INPP4B: variants seen among roughly 807,000 people sequenced by gnomAD.
INPP4B encodes inositol polyphosphate-4-phosphatase type II B, also known as inositol polyphosphate 4-phosphatase type II.
In INPP4B, 55 loss-of-function variants were observed where a neutral mutation model predicts 122.5. The observed-to-expected ratio is 0.45, with a 90% CI of 0.36 to 0.56. The LOEUF (loss-of-function observed/expected upper bound fraction) is 0.56. Among genes scored for constraint, INPP4B ranks in the 20% least tolerant of loss-of-function variants. The probability of loss-of-function intolerance (pLI) is 0.00; values close to 1 mark genes in which losing one functional copy is unlikely to be tolerated. For missense variants in INPP4B, 1,000 were observed against 1,097.7 expected (o/e 0.91, Z 1.26); for synonymous variants, 403 against 388.7 (o/e 1.04, Z -0.43).
chr4:142,693,484 A>G (rs1333803288), intron 2 of INPP4B, among the ~76,000 whole-genome samples: 1 of 1,112 alleles, frequency 9.0e-4, no homozygotes, highest in African/African-American at 1.7e-3. Flanking sequence ...GCCTTTTTCT[A>G]AAAAAAAAAA....
chr4:142,766,526 G>A (rs530968164), intron 1 of INPP4B, among the ~76,000 whole-genome samples: 11 of 151,610 alleles, frequency 7.3e-5, no homozygotes, highest in Admixed American at 1.3e-4. Context: ...GTGCACCACC[G>A]CACTCAGCTA....
chr4:142,751,407 A>G (rs1226817911), intron 1 of INPP4B, among the ~76,000 whole-genome samples: 2 of 152,054 alleles, frequency 1.3e-5, no homozygotes, highest in African/African-American at 2.4e-5. Flanking sequence ...GGACTGTGCA[A>G]TACAAAATGG....
chr4:142,304,389 C>A (rs576501065), intron 9 of INPP4B, among the ~76,000 whole-genome samples: 28 of 151,770 alleles, frequency 1.8e-4, no homozygotes, highest in Admixed American at 1.3e-4. Context: ...GGAGACATAA[C>A]CTAAAGGAAG....
rs868614189 is a variant in INPP4B, at chr4:142,395,489, C to T, written c.372+7449G>A. Among the ~76,000 whole-genome samples the T allele has an allele frequency of 2.0e-5, 3 of 152,114 alleles. No individual in the cohort carries two copies. The South Asian group carries it at 6.2e-4, about 32-fold the overall frequency. On this transcript the variant is annotated intron_variant, in intron 7 of 25. Coordinates refer to ENST00000262992, the MANE Select transcript of INPP4B (RefSeq NM_001101669.3). Reference sequence around the variant, plus strand: ...AAAACAAAATCCGAGAGTTGACAGACTTTTCCCAGACCTTTCTTCAAAAAA... The same window carrying T: ...AAAACAAAATCCGAGAGTTGACAGATTTTTCCCAGACCTTTCTTCAAAAAA...
intron 18 of INPP4B, among the ~76,000 whole-genome samples, chr4:142,136,675 AG>A (rs2152810070): frequency 6.6e-6 from 1 of 152,292 alleles, no homozygotes; most frequent in African/African-American, 2.4e-5. Context: ...GTAGGGGTAA[AG>A]AAATGTAGGG....
intron 11 of INPP4B, among the ~76,000 whole-genome samples, chr4:142,259,074 AATC>A (rs1738133040): frequency 6.6e-6 from 1 of 151,918 alleles, no homozygotes; most frequent in South Asian, 2.1e-4. Context: ...TGAAATTGGA[AATC>A]ATCATTCTCA....
chr4:142,520,710 A>G (rs1349962070), intron 2 of INPP4B, among the ~76,000 whole-genome samples: 1 of 151,980 alleles, frequency 6.6e-6, no homozygotes, highest in African/African-American at 2.4e-5. Flanking sequence ...GAAATTATTG[A>G]TGATATAATT....
At chr4:142,096,349 T>C (rs1042265698) in intron 23 of INPP4B, among the ~76,000 whole-genome samples, 3 of 152,220 alleles carry the variant, frequency 2.0e-5, no homozygotes, top group African/African-American at 7.2e-5. Flanking sequence ...TTGACGACTG[T>C]AATTTATGAA....
At chr4:142,692,904 G>A (rs1170465513) in intron 2 of INPP4B, among the ~76,000 whole-genome samples, 2 of 99,900 alleles carry the variant, frequency 2.0e-5, no homozygotes, top group African/African-American at 7.4e-5. Context: ...CCTATATTTA[G>A]GCTAGTCTCT....
intron 9 of INPP4B, among the ~76,000 whole-genome samples, chr4:142,281,795 T>A (rs901867731): frequency 5.3e-5 from 8 of 152,098 alleles, no homozygotes; most frequent in Non-Finnish European, 1.0e-4. Context: ...GGATTTGTTT[T>A]AAATGTTTGT....
At chr4:142,176,692 G>T (rs1389970110) in intron 15 of INPP4B, among the ~76,000 whole-genome samples, 3 of 152,088 alleles carry the variant, frequency 2.0e-5, no homozygotes, top group Non-Finnish European at 2.9e-5. Flanking sequence ...TGAAAAAAAT[G>T]CAGATTCCTT....
At chr4:142,681,658 G>A (rs1268477754) in intron 2 of INPP4B, among the ~76,000 whole-genome samples, 1 of 151,814 alleles carries the variant, frequency 6.6e-6, no homozygotes. Context: ...GGTTTTCAAG[G>A]TAGTGGATGC....
chr4:142,737,003 G>A lies in INPP4B; in HGVS notation c.-253-11102C>T, dbSNP rs534727689. 4.6e-5 allele frequency among the ~76,000 whole-genome samples: 7 copies of A among 152,244 alleles called. No homozygotes were observed. In the East Asian group the frequency reaches 7.7e-4, roughly 17 times the overall value. Reference sequence around the variant, plus strand: ...AAGAACATTCCATGCTCATGGGTAGGAAGAATCAATATCATGAAAATGGCC... The same window carrying A: ...AAGAACATTCCATGCTCATGGGTAGAAAGAATCAATATCATGAAAATGGCC... On this transcript the variant is annotated intron_variant, in intron 1 of 25. Coordinates refer to ENST00000262992, the MANE Select transcript of INPP4B (RefSeq NM_001101669.3).
intron 25 of INPP4B, chr4:142,029,997 A>G: frequency 7.2e-7 from 1 of 1,379,822 alleles, no homozygotes; most frequent in Non-Finnish European, 9.4e-7. Flanking sequence ...ATTTTAGGAA[A>G]AACAAACTAA....
intron 1 of INPP4B, among the ~76,000 whole-genome samples, chr4:142,829,976 A>G (rs1430966744): frequency 6.6e-6 from 1 of 152,156 alleles, no homozygotes. Flanking sequence ...TACAATAAAA[A>G]TGAGATGTTT....
intron 17 of INPP4B, among the ~76,000 whole-genome samples, chr4:142,146,578 T>C (rs1014101533): frequency 6.6e-6 from 1 of 152,198 alleles, no homozygotes; most frequent in African/African-American, 2.4e-5. Flanking sequence ...AACCACATTT[T>C]GCTTTCTGTC....
intron 20 of INPP4B, 27 bp downstream of exon 20, chr4:142,123,265 T>G (rs374461472): frequency 1.3e-6 from 2 of 1,523,512 alleles, no homozygotes; most frequent in Admixed American, 2.1e-5. Context: ...GAAATGTGAT[T>G]TTAACTTGTA....
intron 2 of INPP4B, among the ~76,000 whole-genome samples, chr4:142,465,479 T>TA (rs763051050): frequency 1.2e-4 from 19 of 152,254 alleles, no homozygotes; most frequent in Non-Finnish European, 2.4e-4. Flanking sequence ...TTTGAATTTC[T>TA]ATGCTAACTT....
chr4:142,646,276 C>T (rs1225256533), intron 2 of INPP4B, among the ~76,000 whole-genome samples: 1 of 151,970 alleles, frequency 6.6e-6, no homozygotes, highest in Non-Finnish European at 1.5e-5. Flanking sequence ...AACAGCCTAA[C>T]ACAGAGAATG....
Sources: gnomAD v4.1 joint callset for allele counts (sites outside exome capture counted in the v4.1 genomes callset) on GRCh38, gnomAD v4.1.1 for gene constraint, MANE v1.5 for transcripts, NCBI Gene and HGNC (gene_info 2026-07-23, HGNC 2026-07-21) for gene names.